The following LPAR1 variants were observed in gnomAD, a reference collection of about 807,000 sequenced individuals.
LPAR1 encodes LPA receptor 1.
In LPAR1, 5 loss-of-function variants were observed where a neutral mutation model predicts 23.8. That is an observed-to-expected ratio of 0.21 (90% confidence interval 0.11 to 0.44). The LOEUF (loss-of-function observed/expected upper bound fraction) is 0.44, where lower values mean the gene tolerates loss of function less well. Among genes scored for constraint, LPAR1 ranks in the 20% least tolerant of loss-of-function variants. The pLI, the probability that LPAR1 is intolerant of heterozygous loss-of-function variation, is 0.99. For synonymous variants in LPAR1, 160 were observed against 164.7 expected (o/e 0.97, Z 0.22); for missense variants, 311 against 482.8 (o/e 0.64, Z 3.33).
At chr9:111,017,062 C>G (rs1433333674) in intron 2 of LPAR1, among the ~76,000 whole-genome samples, 1 of 152,186 alleles carries the variant, frequency 6.6e-6, no homozygotes, top group Non-Finnish European at 1.5e-5. Flanking sequence ...GTTGTCCCCC[C>G]TGGTTAGTCC....
chr9:110,928,348 C>A (rs540722518), intron 5 of LPAR1, among the ~76,000 whole-genome samples: 49 of 152,232 alleles, frequency 3.2e-4, no homozygotes, highest in South Asian at 1.9e-3. Flanking sequence ...CTAAGGAATT[C>A]TATTAATGTT....
intron 5 of LPAR1, among the ~76,000 whole-genome samples, chr9:110,885,439 G>T (rs912102771): frequency 2.0e-5 from 3 of 152,124 alleles, no homozygotes; most frequent in African/African-American, 7.2e-5. Flanking sequence ...AATTACATGG[G>T]GAGAGATGTG....
intron 2 of LPAR1, among the ~76,000 whole-genome samples, chr9:111,002,016 T>C (rs74577890): frequency 0.018 from 2,769 of 152,324 alleles, 40 homozygotes; most frequent in South Asian, 0.031. Context: ...TAAAAATTCA[T>C]ATAAATGTAG....
At chr9:111,026,951 G>A (rs1281622285) in intron 2 of LPAR1, among the ~76,000 whole-genome samples, 5 of 152,190 alleles carry the variant, frequency 3.3e-5, no homozygotes, top group Admixed American at 6.5e-5. Context: ...GAGGATTTTC[G>A]CATCAATGTT....
At chr9:110,989,529 T>A (rs369589052) in intron 2 of LPAR1, among the ~76,000 whole-genome samples, 1 of 152,120 alleles carries the variant, frequency 6.6e-6, no homozygotes, top group African/African-American at 2.4e-5. Context: ...GTACTATACA[T>A]AAAGGGGTAC....
In LPAR1 at chr9:110,873,865, T is replaced by C. The variant is rs888003908; in HGVS notation, c.*1556A>G. The C allele has an allele frequency of 6.6e-6, 1 of 152,292 alleles. No individual in the cohort carries two copies. The allele number at this position is 152,292 out of a possible 1,614,324, so 9.4% of individuals were successfully genotyped here. ...GCAGGTGTGGCTACCAAGAGCTGGA[T>C]AACGAGTCCCTCAAACAAAGTTTGG... On this transcript the variant is annotated 3_prime_UTR_variant, in exon 6 of 6. Coordinates refer to ENST00000683809, the MANE Select transcript of LPAR1 (RefSeq NM_001351411.2).
intron 4 of LPAR1, among the ~76,000 whole-genome samples, chr9:110,971,591 G>A (rs565294632): frequency 6.6e-6 from 1 of 152,254 alleles, no homozygotes; most frequent in East Asian, 1.9e-4. Context: ...GAAGTTTCTG[G>A]AATTGCATTT....
chr9:110,886,543 T>A (rs2082476550), intron 5 of LPAR1, among the ~76,000 whole-genome samples: 6 of 152,100 alleles, frequency 3.9e-5, no homozygotes. Flanking sequence ...CACATATGTA[T>A]GCATACACAT....
At position 110,911,380 on chromosome 9, in the gene LPAR1, C is replaced by T. The variant is rs756793656; in HGVS notation, c.793+30041G>A. Among the ~76,000 whole-genome samples, 10 of 152,140 alleles carry T rather than the reference C, an allele frequency of 6.6e-5. No individual in the cohort carries two copies. The East Asian group carries it at 1.9e-3, about 29-fold the overall frequency. Reference sequence around the variant, plus strand: ...TGGGCAACATAGCGAGATGTCATTTCTACCCAAAATACAAAAGCCAGGCAT... The same window carrying T: ...TGGGCAACATAGCGAGATGTCATTTTTACCCAAAATACAAAAGCCAGGCAT... On this transcript the variant is annotated intron_variant, in intron 5 of 5. Coordinates refer to ENST00000683809, the MANE Select transcript of LPAR1 (RefSeq NM_001351411.2).
intron 5 of LPAR1, among the ~76,000 whole-genome samples, chr9:110,894,185 C>A (rs1316111663): frequency 6.6e-6 from 1 of 152,102 alleles, no homozygotes; most frequent in African/African-American, 2.4e-5. Context: ...ATAGAGATAT[C>A]TTGGAAATAA....
chr9:110,975,739 T>A (rs1288862108), intron 2 of LPAR1, among the ~76,000 whole-genome samples: 2 of 152,226 alleles, frequency 1.3e-5, no homozygotes, highest in Admixed American at 6.5e-5. Flanking sequence ...TTAACCCTCA[T>A]TTGGATGTTT....
rs201944710 is a variant in LPAR1, at chr9:110,959,298, GGGAGGAAA to G, written c.45+12767_45+12774del. On this transcript the variant is annotated intron_variant, in intron 4 of 5. Transcript: ENST00000683809. ...GGTAAGGATGGAAGGAAGGGAGGAA[GGGAGGAAA>G]GGAGGAAAGGAGGAAAGGAAGAAAG... Among the ~76,000 whole-genome samples the G allele has an allele frequency of 9.2e-3, 1,390 of 151,760 alleles. 21 individuals carry two copies. Among genetic ancestry groups the G allele is most frequent in the African/African-American group, 0.031 (1,294 of 41,332 alleles).
At position 110,992,436 on chromosome 9, in the gene LPAR1, G is replaced by A. The variant is rs115026349; in HGVS notation, c.-181-18878C>T. ...ATAGAATCAGTCTGGAAAATAATCT[G>A]ACAGTTTCTTTAAAAGTTAATTATC... is the stretch of plus-strand genomic sequence containing the variant. On this transcript the variant is annotated intron_variant, in intron 2 of 5. Transcript: ENST00000683809. 9.8e-3 allele frequency among the ~76,000 whole-genome samples: 1,496 copies of A among 152,286 alleles called. 27 individuals carry two copies. Among genetic ancestry groups the A allele is most frequent in the African/African-American group, 0.034 (1,399 of 41,550 alleles).
intron 2 of LPAR1, among the ~76,000 whole-genome samples, chr9:111,002,901 G>A (rs568635448): frequency 1.3e-5 from 2 of 152,292 alleles, no homozygotes; most frequent in East Asian, 3.9e-4. Context: ...CAGTCTGTGG[G>A]CCTGAGGCAG....
chr9:110,889,376 T>G (rs115192612), intron 5 of LPAR1, among the ~76,000 whole-genome samples: 5,819 of 150,596 alleles, frequency 0.039, 369 homozygotes, highest in African/African-American at 0.13. Context: ...AAAAAATAAA[T>G]AAAGAAAGAA....
chr9:111,015,452 A>G (rs2097424714), intron 2 of LPAR1, among the ~76,000 whole-genome samples: 1 of 152,142 alleles, frequency 6.6e-6, no homozygotes. Flanking sequence ...AAGATATCTC[A>G]GTACTATACG....
chr9:110,903,983 G>C (rs1322007494), intron 5 of LPAR1, among the ~76,000 whole-genome samples: 2 of 149,934 alleles, frequency 1.3e-5, no homozygotes, highest in African/African-American at 4.9e-5. Context: ...TTTCTTACCT[G>C]AAACCATATA....
At chr9:110,883,142 C>T (rs559052219) in intron 5 of LPAR1, among the ~76,000 whole-genome samples, 98 of 152,218 alleles carry the variant, frequency 6.4e-4, no homozygotes, top group South Asian at 5.4e-3. Flanking sequence ...CAGATTCAAG[C>T]GATTCCCTTG....
chr9:110,999,391 ACCTCAT>A, intron 2 of LPAR1: 1 of 456,022 alleles, frequency 2.2e-6, no homozygotes, highest in Non-Finnish European at 4.4e-6. Flanking sequence ...CCCCCACCCT[ACCTCAT>A]TTTCCAGAAC....
Sources: gnomAD v4.1 joint callset for allele counts (sites outside exome capture counted in the v4.1 genomes callset) on GRCh38, gnomAD v4.1.1 for gene constraint, MANE v1.5 for transcripts, NCBI Gene and HGNC (gene_info 2026-07-23, HGNC 2026-07-21) for gene names.